The following AGBL4 variants were observed in gnomAD, a reference collection of about 807,000 sequenced individuals.
AGBL4 encodes AGBL carboxypeptidase 4, also known as cytosolic carboxypeptidase 6.
A neutral mutation model predicts 66.4 loss-of-function variants in AGBL4; 58 were observed. That is an observed-to-expected ratio of 0.87 (90% CI 0.71 to 1.09). The LOEUF is 1.09. Ranked by LOEUF, AGBL4 falls within the 50% of genes least tolerant of loss-of-function variation. The pLI is 0.00. For synonymous variants in AGBL4, 234 were observed against 222.9 expected (o/e 1.05, Z -0.44); for missense variants, 579 against 631.0 (o/e 0.92, Z 0.88).
At chr1:49,888,633 C>T (rs1648310211) in intron 1 of AGBL4, among the ~76,000 whole-genome samples, 1 of 152,160 alleles carries the variant, frequency 6.6e-6, no homozygotes, top group Non-Finnish European at 1.5e-5. Context: ...GACTACCAGA[C>T]TTGCACTATT....
chr1:50,006,590 C>T (rs1661148430), intron 1 of AGBL4, among the ~76,000 whole-genome samples: 1 of 150,794 alleles, frequency 6.6e-6, no homozygotes, highest in African/African-American at 2.4e-5. Context: ...AATGGAGCTC[C>T]AATACACCTG....
intron 3 of AGBL4, among the ~76,000 whole-genome samples, chr1:49,683,116 G>A (rs1161275166): frequency 6.6e-6 from 1 of 152,022 alleles, no homozygotes; most frequent in Non-Finnish European, 1.5e-5. Context: ...TAGTTTCAAG[G>A]TCACTAGGTG....
chr1:49,837,503 C>T (rs1462906301), intron 2 of AGBL4, among the ~76,000 whole-genome samples: 1 of 152,204 alleles, frequency 6.6e-6, no homozygotes, highest in South Asian at 2.1e-4. Flanking sequence ...CAGTAAATTG[C>T]AAGGTTGGCA....
At chr1:49,909,148 G>C (rs1650566994) in intron 1 of AGBL4, among the ~76,000 whole-genome samples, 4 of 152,040 alleles carry the variant, frequency 2.6e-5, no homozygotes. Context: ...AATAATAATA[G>C]TACTTACTTC....
At chr1:49,465,653 C>T (rs1432795354) in intron 3 of AGBL4, among the ~76,000 whole-genome samples, 2 of 151,814 alleles carry the variant, frequency 1.3e-5, no homozygotes, top group African/African-American at 4.8e-5. Flanking sequence ...GTAGGTAATA[C>T]AAGCATTCCT....
intron 3 of AGBL4, among the ~76,000 whole-genome samples, chr1:49,261,531 C>G (rs1366056848): frequency 6.7e-6 from 1 of 149,246 alleles, no homozygotes; most frequent in African/African-American, 2.5e-5. Flanking sequence ...AAACAGAGAG[C>G]CAAATCATGA....
rs144679135 is a variant in AGBL4 at position 49,557,466 on chromosome 1, C to T, written c.282+139847G>A. 4.4e-4 allele frequency among the ~76,000 whole-genome samples: 67 copies of T among 152,170 alleles called. No homozygotes were observed. The East Asian group carries it at 0.013, about 29-fold the overall frequency. On this transcript the variant is annotated intron_variant, in intron 3 of 13. Coordinates refer to ENST00000371839, the MANE Select transcript of AGBL4 (RefSeq NM_032785.4). ...CAGCATAATTCAGAGTGTCTCTGGG[C>T]GCTGGGGAAGGAAGAACACAGCAAT... is the stretch of plus-strand genomic sequence containing the variant.
chr1:49,478,631 A>C (rs1211571018), intron 3 of AGBL4, among the ~76,000 whole-genome samples: 1 of 152,092 alleles, frequency 6.6e-6, no homozygotes, highest in Admixed American at 6.5e-5. Flanking sequence ...ATTAATGAAC[A>C]GTAAAAAATC....
chr1:49,678,069 C>T (rs1026019579), intron 3 of AGBL4, among the ~76,000 whole-genome samples: 1 of 152,124 alleles, frequency 6.6e-6, no homozygotes, highest in African/African-American at 2.4e-5. Flanking sequence ...TCTAGTGAAA[C>T]AATTAAGGCT....
intron 8 of AGBL4, among the ~76,000 whole-genome samples, chr1:48,649,632 A>C (rs931587531): frequency 2.6e-5 from 4 of 152,196 alleles, no homozygotes; most frequent in Non-Finnish European, 5.9e-5. Flanking sequence ...TATTGCTATT[A>C]AATTTTAGAG....
chr1:49,284,498 A>G (rs2148412007), intron 3 of AGBL4, among the ~76,000 whole-genome samples: 1 of 152,268 alleles, frequency 6.6e-6, no homozygotes, highest in East Asian at 1.9e-4. Context: ...CTTCATAATG[A>G]CAGGATCAAA....
At chr1:49,973,285 G>A (rs1163902787) in intron 1 of AGBL4, among the ~76,000 whole-genome samples, 2 of 152,154 alleles carry the variant, frequency 1.3e-5, no homozygotes, top group African/African-American at 2.4e-5. Flanking sequence ...CTAATAAACT[G>A]ATCATAATTC....
chr1:49,283,045 T>C (rs1199592116), intron 3 of AGBL4, among the ~76,000 whole-genome samples: 4 of 152,240 alleles, frequency 2.6e-5, no homozygotes, highest in Non-Finnish European at 1.5e-5. Flanking sequence ...TGCCTGCCTC[T>C]GTAGGCTCCA....
intron 1 of AGBL4, among the ~76,000 whole-genome samples, chr1:49,858,293 A>G (rs1051075762): frequency 6.6e-6 from 1 of 152,182 alleles, no homozygotes; most frequent in Admixed American, 6.5e-5. Flanking sequence ...AAATTAGTAC[A>G]TTAGTACATA....
rs536776098 is a variant in AGBL4, at chr1:49,459,330, A to G, written c.283-213466T>C. Among the ~76,000 whole-genome samples, 8 of 151,812 alleles carry G rather than the reference A, an allele frequency of 5.3e-5. No homozygotes were observed. The East Asian group carries it at 1.6e-3, about 30-fold the overall frequency. ...TTTCTATATCTTCCTGGTTTAATCT[A>G]GGAGGGTTGTATATTTCCAGGAATT... On this transcript the variant is annotated intron_variant, in intron 3 of 13. Coordinates refer to ENST00000371839, the MANE Select transcript of AGBL4 (RefSeq NM_032785.4).
chr1:49,101,769 A>T (rs1645206708), intron 4 of AGBL4, among the ~76,000 whole-genome samples: 1 of 152,102 alleles, frequency 6.6e-6, no homozygotes, highest in African/African-American at 2.4e-5. Flanking sequence ...GTTCTGTTCC[A>T]TTTTCAATCT....
chr1:48,623,506 G>A (rs993028116), intron 9 of AGBL4, among the ~76,000 whole-genome samples: 3 of 152,238 alleles, frequency 2.0e-5, no homozygotes, highest in African/African-American at 7.2e-5. Context: ...TCAGAATTCA[G>A]CTGTTTCCAC....
chr1:48,899,333 A>G (rs1180497927), intron 5 of AGBL4, among the ~76,000 whole-genome samples: 2 of 152,258 alleles, frequency 1.3e-5, no homozygotes, highest in East Asian at 3.8e-4. Context: ...CTAGTGGAAA[A>G]TGAAATGAAG....
intron 3 of AGBL4, among the ~76,000 whole-genome samples, chr1:49,425,047 T>C (rs1645626043): frequency 6.6e-6 from 1 of 152,160 alleles, no homozygotes; most frequent in South Asian, 2.1e-4. Flanking sequence ...CACAGGTCCC[T>C]TTTAAGAACC....
Sources: allele counts gnomAD v4.1 joint callset (sites outside exome capture counted in the v4.1 genomes callset), GRCh38; gene constraint gnomAD v4.1.1; transcripts MANE v1.5; gene names NCBI Gene and HGNC (gene_info 2026-07-23, HGNC 2026-07-21).